The following PCDHGB2 variants were observed in gnomAD, a reference collection of about 807,000 sequenced individuals.
PCDHGB2 encodes the protein protocadherin gamma subfamily B, 2, also known as protocadherin gamma-B2.
In PCDHGB2, 55 loss-of-function variants were observed where a neutral mutation model predicts 59.3. That is an observed-to-expected ratio of 0.93 (90% CI 0.75 to 1.16). The LOEUF (loss-of-function observed/expected upper bound fraction) is 1.16, where lower values mean the gene tolerates loss of function less well. PCDHGB2 is among the 50% of genes most tolerant of loss of function. The pLI is 0.00. For synonymous variants in PCDHGB2, 516 were observed against 512.0 expected, an observed-to-expected ratio of 1.01 and a Z score of -0.11; for missense variants, 1,228 against 1,198.5, an observed-to-expected ratio of 1.02 and a Z score of -0.36.
At position 141,360,160 on chromosome 5, in the gene PCDHGB2, G is replaced by C. The variant is rs1368478719; in HGVS notation, c.25G>C (p.Gly9Arg). Residue 9 changes from glycine (G) to arginine (R), a missense_variant, in exon 1 of 4, where the codon GGG becomes CGG. Coordinates refer to ENST00000522605, the MANE Select transcript of PCDHGB2 (RefSeq NM_018923.3). ...GATGAAAGCGAGCTCAGGGAGGTGC[G>C]GGCTGGTGCGGTGGCTGCAGGTACT... MKASSGRC[G>R]LVRWLQVLLP... The C allele has an allele frequency of 2.5e-6, 4 of 1,606,014 alleles. No individual in the cohort carries two copies. Among genetic ancestry groups the C allele is most frequent in the Non-Finnish European group, 3.4e-6 (4 of 1,175,754 alleles).
Position 141,491,826 on chromosome 5 carries a change from C to A in PCDHGB2, c.2422-2981C>A. 1 of 1,477,526 alleles carries A rather than the reference C, an allele frequency of 6.8e-7. No homozygotes were observed. The highest frequency in any genetic ancestry group is 9.0e-7 in the Non-Finnish European group (1 of 1,114,486). The allele number at this position is 1,477,526 out of a possible 1,614,324, so 91.5% of individuals were successfully genotyped here. A position where few individuals can be genotyped will look rare whatever the true frequency, so the allele number is the denominator to read the frequency against. ...GGCTTGGTCGCTGGCTGCGCTCCAC[C>A]CGATTCTCGGGATCATTGGACCGTT... On this transcript the variant is annotated intron_variant, in intron 1 of 3. Transcript: ENST00000522605. The surrounding 1 kb of genome is among the most constrained non-coding windows in gnomAD (Gnocchi z 6.9).
At chr5:141,409,831 C>A (rs1015263434) in intron 1 of PCDHGB2, 1 of 1,611,128 alleles carries the variant, frequency 6.2e-7, no homozygotes, top group African/African-American at 1.3e-5. Flanking sequence ...CCACGCTCAG[C>A]GCCAACGTGA....
chr5:141,385,284 A>C (rs1419920858), intron 1 of PCDHGB2: 5 of 1,613,356 alleles, frequency 3.1e-6, no homozygotes, highest in Non-Finnish European at 3.4e-6. Flanking sequence ...TAACATCCGT[A>C]GATTTTCAGG....
At chr5:141,371,796 G>A in intron 1 of PCDHGB2, 2 of 1,613,914 alleles carry the variant, frequency 1.2e-6, no homozygotes, top group Non-Finnish European at 1.7e-6. Context: ...CAATCCGCCT[G>A]GAGCCTCCAT....
intron 3 of PCDHGB2, among the ~76,000 whole-genome samples, chr5:141,509,440 C>T (rs1036780108): frequency 2.0e-5 from 3 of 152,158 alleles, no homozygotes; most frequent in Non-Finnish European, 4.4e-5. Flanking sequence ...CTTGTTTCCT[C>T]CTCTCCCACC....
chr5:141,414,752 A>G (rs1339630983), intron 1 of PCDHGB2: 9 of 1,614,110 alleles, frequency 5.6e-6, no homozygotes, highest in Non-Finnish European at 7.6e-6. Flanking sequence ...TCCTTCGACT[A>G]TGAGCAGTTT....
At position 141,433,142 on chromosome 5, in the gene PCDHGB2, G is replaced by T. The variant is rs2097571106; in HGVS notation, c.2422-61665G>T. On this transcript the variant is annotated intron_variant, in intron 1 of 3. Coordinates refer to ENST00000522605, the MANE Select transcript of PCDHGB2 (RefSeq NM_018923.3). ...AAAAAGCGAGCCCCTTTTGCTGTCA[G>T]GTGATTCGGTATTTTCTAAAGACAG... The T allele has an allele frequency of 4.7e-5, 76 of 1,613,992 alleles. No homozygotes were observed. Among genetic ancestry groups the T allele is most frequent in the Non-Finnish European group, 6.4e-5 (76 of 1,180,016 alleles).
At position 141,489,049 on chromosome 5, in the gene PCDHGB2, T is replaced by G; in HGVS notation, c.2422-5758T>G. 2.1e-6 allele frequency: 1 copy of G among 477,660 alleles called. No homozygotes were observed. Among genetic ancestry groups the G allele is most frequent in the Non-Finnish European group, 3.7e-6 (1 of 272,910 alleles). 29.6% of individuals were successfully genotyped at this position (477,660 alleles called of 1,614,324 possible). On this transcript the variant is annotated intron_variant, in intron 1 of 3. Transcript: ENST00000522605. The surrounding 1 kb of genome is among the most constrained non-coding windows in gnomAD (Gnocchi z 4.5). ...CTCCAGCTCCCCAGCTCCACTCAAA[T>G]TCAGCTCCCCTCCCCCCTGCCCACC... is the stretch of plus-strand genomic sequence containing the variant.
At chr5:141,385,098 G>A (rs1175088584) in intron 1 of PCDHGB2, 2 of 1,614,080 alleles carry the variant, frequency 1.2e-6, no homozygotes, top group Non-Finnish European at 1.7e-6. Flanking sequence ...GTGGCTTGGC[G>A]AACGTGCCCA....
At chr5:141,454,931 C>T (rs2154564856) in intron 1 of PCDHGB2, among the ~76,000 whole-genome samples, 2 of 151,066 alleles carry the variant, frequency 1.3e-5, no homozygotes, top group South Asian at 4.2e-4. Context: ...CCTCAGCCTC[C>T]CGAGTAGCTG....
chr5:141,372,698 C>G, intron 1 of PCDHGB2: 1 of 1,613,986 alleles, frequency 6.2e-7, no homozygotes, highest in Non-Finnish European at 8.5e-7. Flanking sequence ...TTAAATTTCT[C>G]AATATAAAGG....
intron 1 of PCDHGB2, chr5:141,391,117 G>C (rs1180056630): frequency 6.6e-6 from 1 of 152,054 alleles, no homozygotes; most frequent in African/African-American, 2.4e-5. Flanking sequence ...TATAGCTAGA[G>C]GTCTTCTAAT....
chr5:141,382,576 G>A (rs1778302308), intron 1 of PCDHGB2, among the ~76,000 whole-genome samples: 1 of 152,162 alleles, frequency 6.6e-6, no homozygotes, highest in Non-Finnish European at 1.5e-5. Context: ...ATCTAACAGG[G>A]AAATTTTGAA....
intron 1 of PCDHGB2, among the ~76,000 whole-genome samples, chr5:141,456,765 C>A (rs1468235444): frequency 2.0e-5 from 3 of 151,852 alleles, no homozygotes; most frequent in Non-Finnish European, 2.9e-5. Context: ...GAGTTTGAGA[C>A]CAGCCTGGCC....
chr5:141,365,477 G>A, intron 1 of PCDHGB2: 3 of 1,613,994 alleles, frequency 1.9e-6, no homozygotes, highest in Non-Finnish European at 2.5e-6. Flanking sequence ...TGGTGAGATT[G>A]CATGCTCTAT....
Position 141,444,152 on chromosome 5 carries a change from ATTTTTTTTTTTTTTTTT to A in PCDHGB2, c.2422-50635_2422-50619del, listed in dbSNP as rs747671382. Among the ~76,000 whole-genome samples, 167 of 33,906 alleles carry A rather than the reference ATTTTTTTTTTTTTTTTT, an allele frequency of 4.9e-3. 1 individual carries two copies. The highest frequency in any genetic ancestry group is 7.0e-3 in the Non-Finnish European group (136 of 19,318). The allele number at this position is 33,906 out of a possible 152,430, so 22.2% of individuals were successfully genotyped here. A position where few individuals can be genotyped will look rare whatever the true frequency, so the allele number is the denominator to read the frequency against. On this transcript the variant is annotated intron_variant, in intron 1 of 3. Coordinates refer to ENST00000522605, the MANE Select transcript of PCDHGB2 (RefSeq NM_018923.3). ...GATATGTGTCACTTGTGTGTACTGG[ATTTTTTTTTTTTTTTTT>A]TTTTTTTTTTTTTTTTTTTGAGATG...
At chr5:141,414,363 T>C in intron 1 of PCDHGB2, 3 of 1,613,910 alleles carry the variant, frequency 1.9e-6, no homozygotes, top group Non-Finnish European at 1.7e-6. Context: ...ATCTACCATT[T>C]AAATTAGAAA....
rs561359605 is a variant in PCDHGB2 at position 141,400,125 on chromosome 5, G to A, written c.2421+37569G>A. ...TGGTCTTTGCTGACAGCTTGCAGGA[G>A]GTGCTGCCGGATATCACTGACCGCC... On this transcript the variant is annotated intron_variant, in intron 1 of 3. Coordinates refer to ENST00000522605, the MANE Select transcript of PCDHGB2 (RefSeq NM_018923.3). The A allele has an allele frequency of 2.5e-4, 399 of 1,614,072 alleles. 3 individuals are homozygous for A. In the Admixed American group the frequency reaches 6.3e-3, roughly 26 times the overall value.
chr5:141,408,463 G>T, intron 1 of PCDHGB2: 1 of 1,614,014 alleles, frequency 6.2e-7, no homozygotes, highest in Non-Finnish European at 8.5e-7. Context: ...TACTTGTGAA[G>T]AACCGAATAG....
Sources: allele counts gnomAD v4.1 joint callset (sites outside exome capture counted in the v4.1 genomes callset), GRCh38; gene constraint gnomAD v4.1.1; non-coding constraint Gnocchi (gnomAD v3.1); transcripts MANE v1.5; gene names NCBI Gene and HGNC (gene_info 2026-07-23, HGNC 2026-07-21).